Variants in IL1RAPL2 observed in about 807,000 individuals in gnomAD.
The protein encoded by IL1RAPL2 is interleukin 1 receptor accessory protein like 2, also known as X-linked interleukin-1 receptor accessory protein-like 2.
Under a neutral mutation model 44.1 loss-of-function variants are expected in IL1RAPL2, and 3 were observed. The ratio of observed to expected loss-of-function variants is 0.07; its 90% CI spans 0.03 to 0.18. The LOEUF is 0.18. Ranked by LOEUF, IL1RAPL2 falls within the 10% of genes least tolerant of loss-of-function variation. The probability of loss-of-function intolerance (pLI) is 1.00; values close to 1 mark genes in which losing one functional copy is unlikely to be tolerated. For synonymous variants in IL1RAPL2, 181 were observed against 178.8 expected (o/e 1.01, Z -0.10); for missense variants, 391 against 496.4 (o/e 0.79, Z 2.02).
chrX:104,655,878 G>A (rs1036459828), intron 1 of IL1RAPL2, among the ~76,000 whole-genome samples: 2 of 111,268 alleles, frequency 1.8e-5, no homozygotes, highest in Non-Finnish European at 3.8e-5. Flanking sequence ...CAGAGATTCA[G>A]CTTCTTCCTG....
At position 104,566,818 on chromosome X, in the gene IL1RAPL2, G is replaced by C. The variant is rs1481667259; in HGVS notation, c.-253G>C. ...ACTCTAGAAATCTTCCCTGGCTGGG[G>C]GGAAGTTTACTAGTATCCTCTTTGG... On this transcript the variant is annotated 5_prime_UTR_variant, in exon 1 of 11. Coordinates refer to ENST00000372582, the MANE Select transcript of IL1RAPL2 (RefSeq NM_017416.2). The C allele has an allele frequency of 8.9e-6, 1 of 112,958 alleles. No homozygotes were observed. The highest frequency in any genetic ancestry group is 1.9e-5 in the Non-Finnish European group (1 of 53,450). 9.3% of individuals were successfully genotyped at this position (112,958 alleles called of 1,213,427 possible).
chrX:104,857,085 G>A lies in IL1RAPL2; in HGVS notation c.82+198090G>A, dbSNP rs1326334034. ...ATATTACTTATTAGAATTTTTATGT[G>A]TGACAAGCCACTCTTTCTTCACTTT... is the stretch of plus-strand genomic sequence containing the variant. On this transcript the variant is annotated intron_variant, in intron 2 of 10. Transcript: ENST00000372582. Among the ~76,000 whole-genome samples, 5 of 111,795 alleles carry A rather than the reference G, an allele frequency of 4.5e-5. No homozygotes were observed. The East Asian group carries it at 1.4e-3, about 31-fold the overall frequency.
At chrX:104,705,788 T>C (rs1256089745) in intron 2 of IL1RAPL2, among the ~76,000 whole-genome samples, 1 of 111,275 alleles carries the variant, frequency 9.0e-6, no homozygotes, top group Non-Finnish European at 1.9e-5. Context: ...CTGTAGAACA[T>C]GATGGTGAAG....
At chrX:105,006,911 T>C (rs1182508188) in intron 2 of IL1RAPL2, among the ~76,000 whole-genome samples, 2 of 111,449 alleles carry the variant, frequency 1.8e-5, no homozygotes, top group African/African-American at 6.5e-5. Context: ...TAAATTTCAA[T>C]CTACCAGTGG....
intron 1 of IL1RAPL2, among the ~76,000 whole-genome samples, chrX:104,585,262 T>TC (rs1254187013): frequency 1.1e-3 from 31 of 28,927 alleles, no homozygotes; most frequent in Admixed American, 2.2e-3. Context: ...ATAATATATA[T>TC]ATAATATATT....
intron 2 of IL1RAPL2, among the ~76,000 whole-genome samples, chrX:104,931,137 T>A (rs1375868906): frequency 1.8e-5 from 2 of 110,560 alleles, no homozygotes; most frequent in African/African-American, 6.6e-5. Flanking sequence ...GGATTAAAAA[T>A]GGTGGGAATT....
intron 1 of IL1RAPL2, among the ~76,000 whole-genome samples, chrX:104,613,903 TC>T (rs1176422124): frequency 2.8e-5 from 3 of 108,271 alleles, no homozygotes; most frequent in African/African-American, 1.0e-4. Flanking sequence ...TTCAATTTCT[TC>T]CTGATTCAAT....
chrX:105,761,220 T>TACACACACACAC lies in IL1RAPL2; in HGVS notation c.1364-5713_1364-5702dup, dbSNP rs113089380. On this transcript the variant is annotated intron_variant, in intron 10 of 10. Coordinates refer to ENST00000372582, the MANE Select transcript of IL1RAPL2 (RefSeq NM_017416.2). ...GAAAAAGAAAAAAAAACTCTTCCTA[T>TACACACACACAC]ACACACACACACACACACACACACA... is the stretch of plus-strand genomic sequence containing the variant. Among the ~76,000 whole-genome samples the TACACACACACAC allele has an allele frequency of 9.5e-5, 8 of 84,130 alleles. No individual in the cohort carries two copies. The East Asian group carries it at 1.2e-3, about 13-fold the overall frequency. The allele number at this position is 84,130 out of a possible 115,157, so 73.1% of individuals were successfully genotyped here.
At chrX:105,329,126 A>G (rs2034965232) in intron 5 of IL1RAPL2, among the ~76,000 whole-genome samples, 1 of 112,217 alleles carries the variant, frequency 8.9e-6, no homozygotes. Context: ...GTGGATTCTG[A>G]TTCAAAGTTC....
Position 105,685,139 on chromosome X carries a change from G to A in IL1RAPL2, c.773-32228G>A, listed in dbSNP as rs764994741. Among the ~76,000 whole-genome samples, 79 of 111,899 alleles carry A rather than the reference G, an allele frequency of 7.1e-4. 1 individual carries two copies. Among genetic ancestry groups the A allele is most frequent in the South Asian group, 1.1e-3 (3 of 2,668 alleles). On this transcript the variant is annotated intron_variant, in intron 6 of 10. Coordinates refer to ENST00000372582, the MANE Select transcript of IL1RAPL2 (RefSeq NM_017416.2). ...AGCTGAAAATTCAAAAAATCAGAGCGCCTCTTCTCCTCCAAAGGATCGCAG... is the reference window on the plus strand; with the variant it reads ...AGCTGAAAATTCAAAAAATCAGAGCACCTCTTCTCCTCCAAAGGATCGCAG...
At chrX:104,582,402 G>A (rs1268550813) in intron 1 of IL1RAPL2, among the ~76,000 whole-genome samples, 2 of 111,447 alleles carry the variant, frequency 1.8e-5, no homozygotes, top group Non-Finnish European at 3.8e-5. Flanking sequence ...TGCTAAAACC[G>A]GCATTAGGCT....
intron 2 of IL1RAPL2, among the ~76,000 whole-genome samples, chrX:105,004,389 GT>G (rs2147737771): frequency 9.1e-6 from 1 of 110,457 alleles, no homozygotes; most frequent in African/African-American, 3.3e-5. Flanking sequence ...CTTCTTTCTT[GT>G]TTTTTAAAAC....
At chrX:104,833,739 G>T (rs1372657153) in intron 2 of IL1RAPL2, among the ~76,000 whole-genome samples, 4 of 111,968 alleles carry the variant, frequency 3.6e-5, no homozygotes, top group Middle Eastern at 4.6e-3. Context: ...AAAAAAGATT[G>T]TAAGTCAGGT....
At chrX:104,897,102 C>G (rs1418239369) in intron 2 of IL1RAPL2, among the ~76,000 whole-genome samples, 4 of 111,827 alleles carry the variant, frequency 3.6e-5, no homozygotes, top group African/African-American at 1.3e-4. Context: ...GACCAAGAAC[C>G]CACTGGAAGG....
rs201257788 is a variant in IL1RAPL2, at chrX:104,582,596, TTTTCTTTCTTTCTTTCTTTC to T, written c.-20+15571_-20+15590del. On this transcript the variant is annotated intron_variant, in intron 1 of 10. Coordinates refer to ENST00000372582, the MANE Select transcript of IL1RAPL2 (RefSeq NM_017416.2). ...TCTTTCTTTTTCTTTCTTTCTTTCT[TTTTCTTTCTTTCTTTCTTTC>T]TTTCTTTCTTTCTTTCTTTCTTTCT... 4.7e-3 allele frequency among the ~76,000 whole-genome samples: 245 copies of T among 52,191 alleles called. 3 individuals carry two copies. In the East Asian group the frequency reaches 0.055, roughly 12 times the overall value. The allele number at this position is 52,191 out of a possible 115,157, so 45.3% of individuals were successfully genotyped here.
chrX:105,553,202 A>G (rs2036871418), intron 6 of IL1RAPL2, among the ~76,000 whole-genome samples: 1 of 111,711 alleles, frequency 9.0e-6, no homozygotes, highest in Admixed American at 9.5e-5. Flanking sequence ...AAAAATAGAT[A>G]ATCATAGAAA....
intron 1 of IL1RAPL2, among the ~76,000 whole-genome samples, chrX:104,602,139 A>G (rs1027877272): frequency 9.0e-6 from 1 of 111,296 alleles, no homozygotes; most frequent in Non-Finnish European, 1.9e-5. Context: ...TACCCCATTC[A>G]TCTCATTGGG....
chrX:105,252,220 A>G (rs1603033008), intron 4 of IL1RAPL2, among the ~76,000 whole-genome samples: 1 of 111,573 alleles, frequency 9.0e-6, no homozygotes, highest in Admixed American at 9.6e-5. Context: ...TTTACTTAGT[A>G]TAATGCATTT....
At chrX:105,644,609 T>A (rs1233745184) in intron 6 of IL1RAPL2, among the ~76,000 whole-genome samples, 4 of 111,237 alleles carry the variant, frequency 3.6e-5, no homozygotes, top group African/African-American at 9.8e-5. Context: ...TGTTATTTTC[T>A]TATTTTTTTT....
Sources: gnomAD v4.1 joint callset for allele counts (sites outside exome capture counted in the v4.1 genomes callset) on GRCh38, gnomAD v4.1.1 for gene constraint, MANE v1.5 for transcripts, NCBI Gene and HGNC (gene_info 2026-07-23, HGNC 2026-07-21) for gene names.